The following MSI2 variants were observed in gnomAD, a reference collection of about 807,000 sequenced individuals.
MSI2 encodes the protein musashi RNA binding protein 2.
In MSI2, 17 loss-of-function variants were observed where a neutral mutation model predicts 45.6. The observed-to-expected ratio is 0.37, with a 90% CI of 0.26 to 0.56. The LOEUF (loss-of-function observed/expected upper bound fraction) is 0.56, where lower values mean the gene tolerates loss of function less well. MSI2 is among the 20% of genes least tolerant of loss of function. MSI2 has a pLI of 0.77. For synonymous variants in MSI2, 156 were observed against 158.2 expected (o/e 0.99, Z 0.11); for missense variants, 293 against 444.2 (o/e 0.66, Z 3.06).
chr17:57,532,840 A>G (rs1053191666), intron 7 of MSI2, among the ~76,000 whole-genome samples: 1 of 152,244 alleles, frequency 6.6e-6, no homozygotes, highest in Non-Finnish European at 1.5e-5. Flanking sequence ...GTCACAGCAC[A>G]TGCTCAGCAC....
chr17:57,527,992 A>G (rs2086739611), intron 6 of MSI2, among the ~76,000 whole-genome samples: 1 of 152,112 alleles, frequency 6.6e-6, no homozygotes, highest in Non-Finnish European at 1.5e-5. Context: ...CCAGCCCCCA[A>G]GCTCATTTGT....
In MSI2 at chr17:57,682,317, T is replaced by TCTC. The variant is rs1913655200; in HGVS notation, c.*2801_*2802insTCC. 1 of 119,372 alleles carries TCTC rather than the reference T, an allele frequency of 8.4e-6. No individual in the cohort carries two copies. 7.4% of individuals were successfully genotyped at this position (119,372 alleles called of 1,614,324 possible). ...GGCGGACTCTACGGCGTTTTGTAGATCCCCCCCCCCCCACCCACTGTGAAG... is the reference window on the plus strand; with the variant it reads ...GGCGGACTCTACGGCGTTTTGTAGATCTCCCCCCCCCCCCCACCCACTGTGAAG... On this transcript the variant is annotated 3_prime_UTR_variant, in exon 14 of 14. Transcript: ENST00000284073.
At chr17:57,301,930 C>G (rs1466675981) in intron 5 of MSI2, among the ~76,000 whole-genome samples, 1 of 152,228 alleles carries the variant, frequency 6.6e-6, no homozygotes, top group African/African-American at 2.4e-5. Context: ...AGATCCCCTT[C>G]TTTCTGCACT....
At chr17:57,651,395 G>A (rs549182576) in intron 10 of MSI2, among the ~76,000 whole-genome samples, 37 of 152,028 alleles carry the variant, frequency 2.4e-4, no homozygotes, top group East Asian at 7.7e-4. Flanking sequence ...TTGAAACACC[G>A]AGAGATCAAA....
intron 9 of MSI2, among the ~76,000 whole-genome samples, chr17:57,622,045 A>G (rs774633977): frequency 1.3e-5 from 2 of 152,212 alleles, no homozygotes; most frequent in Non-Finnish European, 2.9e-5. Context: ...CTAAAAATAC[A>G]AAAATTAACA....
At position 57,306,675 on chromosome 17, in the gene MSI2, G is replaced by A. The variant is rs547201786; in HGVS notation, c.312+44483G>A. Among the ~76,000 whole-genome samples the A allele has an allele frequency of 1.2e-4, 19 of 152,308 alleles. 1 individual carries two copies. Among genetic ancestry groups the A allele is most frequent in the African/African-American group, 3.1e-4 (13 of 41,578 alleles). ...CAGTTAGATGTGTATACATGTCATC[G>A]CTGTTCACATGCTCTGCTGCCAATT... On this transcript the variant is annotated intron_variant, in intron 5 of 13. Coordinates refer to ENST00000284073, the MANE Select transcript of MSI2 (RefSeq NM_138962.4).
chr17:57,598,725 C>T (rs1028310960), intron 8 of MSI2, among the ~76,000 whole-genome samples: 1 of 152,002 alleles, frequency 6.6e-6, no homozygotes, highest in African/African-American at 2.4e-5. Flanking sequence ...TGCAGTGGCA[C>T]GATCTCGGCT....
At chr17:57,674,810 G>T (rs1913100336) in intron 11 of MSI2, 162 bp from the exon 12 acceptor site, 1 of 1,024,130 alleles carries the variant, frequency 9.8e-7, no homozygotes, top group East Asian at 2.5e-5. Flanking sequence ...GGCCTTGGTT[G>T]AGTGTTAGAA....
intron 5 of MSI2, among the ~76,000 whole-genome samples, chr17:57,373,524 G>C (rs1376964303): frequency 6.6e-6 from 1 of 152,218 alleles, no homozygotes; most frequent in African/African-American, 2.4e-5. Flanking sequence ...AAAGGAATTT[G>C]TTTGAGGGCA....
chr17:57,490,668 A>G (rs1277825328), intron 6 of MSI2, among the ~76,000 whole-genome samples: 1 of 152,198 alleles, frequency 6.6e-6, no homozygotes, highest in African/African-American at 2.4e-5. Context: ...ATAAAATACC[A>G]TGGCTCATGT....
intron 12 of MSI2, among the ~76,000 whole-genome samples, chr17:57,676,734 C>G (rs1913262874): frequency 6.6e-6 from 1 of 152,192 alleles, no homozygotes; most frequent in South Asian, 2.1e-4. Flanking sequence ...CACCATCCAC[C>G]CACGCCTCTG....
At chr17:57,696,978 G>A in the MSI2 span, among the ~76,000 whole-genome samples, 41 of 152,176 alleles carry the variant, frequency 2.7e-4, no homozygotes, top group South Asian at 1.2e-3. Context: ...GAGCTTAGGA[G>A]AATATTCCAT....
intron 7 of MSI2, among the ~76,000 whole-genome samples, chr17:57,578,410 T>C (rs1443371031): frequency 6.6e-6 from 1 of 152,116 alleles, no homozygotes; most frequent in East Asian, 1.9e-4. Flanking sequence ...CAAGGGGCTC[T>C]GCCGCTGAAG....
intron 6 of MSI2, among the ~76,000 whole-genome samples, chr17:57,477,552 G>T (rs1049558794): frequency 1.8e-4 from 28 of 152,116 alleles, no homozygotes; most frequent in Non-Finnish European, 3.2e-4. Context: ...AGGGGAAAAT[G>T]AGAATGGGCC....
rs547921042 is a variant in MSI2 at position 57,592,034 on chromosome 17, C to A, written c.455-4834C>A. 2.0e-5 allele frequency among the ~76,000 whole-genome samples: 3 copies of A among 151,422 alleles called. 1 individual carries two copies. In the East Asian group the frequency reaches 5.8e-4, roughly 30 times the overall value. ...CTAAAAATACAAAATTAGCCGGGTG[C>A]GGTGGCGTGTACCTGTAGTCCCAGC... On this transcript the variant is annotated intron_variant, in intron 7 of 13. Coordinates refer to ENST00000284073, the MANE Select transcript of MSI2 (RefSeq NM_138962.4).
intron 4 of MSI2, 90 bp downstream of exon 4, chr17:57,258,444 G>A: frequency 9.3e-7 from 1 of 1,076,152 alleles, no homozygotes; most frequent in Non-Finnish European, 1.4e-6. Context: ...GCCTTCTTTT[G>A]CTTCTGTGCT....
intron 5 of MSI2, among the ~76,000 whole-genome samples, chr17:57,384,463 C>G (rs1046390216): frequency 2.6e-5 from 4 of 152,130 alleles, no homozygotes; most frequent in Non-Finnish European, 4.4e-5. Context: ...CTCAGGGCTC[C>G]AAGTGTAAGT....
intron 11 of MSI2, among the ~76,000 whole-genome samples, chr17:57,661,218 T>G (rs1911966404): frequency 6.6e-6 from 1 of 151,916 alleles, no homozygotes; most frequent in Admixed American, 6.6e-5. Context: ...CGACTTCCAG[T>G]CCTCTGGGGA....
intron 5 of MSI2, among the ~76,000 whole-genome samples, chr17:57,362,623 T>G (rs1362081917): frequency 6.6e-6 from 1 of 152,218 alleles, no homozygotes; most frequent in Admixed American, 6.5e-5. Flanking sequence ...GGCTTTGAGT[T>G]GGAGGAGCCA....
Sources: allele counts gnomAD v4.1 joint callset (sites outside exome capture counted in the v4.1 genomes callset), GRCh38; gene constraint gnomAD v4.1.1; transcripts MANE v1.5; gene names NCBI Gene and HGNC (gene_info 2026-07-23, HGNC 2026-07-21).